MAPKAP1: variants seen among roughly 807,000 people sequenced by gnomAD.
MAPKAP1 encodes MAPK associated protein 1.
Under a neutral mutation model 65.7 loss-of-function variants are expected in MAPKAP1, and 20 were observed. The observed-to-expected ratio is 0.30, with a 90% CI of 0.21 to 0.44. MAPKAP1 has a LOEUF of 0.44. Ranked by LOEUF, MAPKAP1 falls within the 20% of genes least tolerant of loss-of-function variation. The pLI is 1.00. For missense variants in MAPKAP1, 423 were observed against 648.0 expected (o/e 0.65, Z 3.77); for synonymous variants, 222 against 244.3 (o/e 0.91, Z 0.85).
chr9:125,627,763 T>C (rs1227656975), intron 4 of MAPKAP1, among the ~76,000 whole-genome samples: 2 of 152,170 alleles, frequency 1.3e-5, no homozygotes, highest in Non-Finnish European at 2.9e-5. Flanking sequence ...TTTATCCTAC[T>C]TTACGGTAGA....
chr9:125,683,002 AG>A (rs1394034952), intron 1 of MAPKAP1, among the ~76,000 whole-genome samples: 2 of 146,980 alleles, frequency 1.4e-5, no homozygotes, highest in African/African-American at 5.1e-5. Flanking sequence ...CTTGTTGCCC[AG>A]GCTGGAATGC....
chr9:125,564,094 TG>T (rs1396982368), intron 5 of MAPKAP1, among the ~76,000 whole-genome samples: 1 of 152,234 alleles, frequency 6.6e-6, no homozygotes, highest in Non-Finnish European at 1.5e-5. Context: ...CTTTTCACAG[TG>T]ATATCTGTTA....
chr9:125,490,454 G>A (rs1003459860), intron 8 of MAPKAP1, among the ~76,000 whole-genome samples: 6 of 152,180 alleles, frequency 3.9e-5, no homozygotes, highest in Admixed American at 6.5e-5. Flanking sequence ...CAGGAAAATC[G>A]CTTACACCCG....
chr9:125,706,999 G>T lies in MAPKAP1; in HGVS notation c.-98C>A, dbSNP rs374599472. On this transcript the variant is annotated 5_prime_UTR_variant, in exon 1 of 12. Coordinates refer to ENST00000265960, the MANE Select transcript of MAPKAP1 (RefSeq NM_001006617.3). ...AAGCTGCTTCCACACTACGGGCCGG[G>T]TCGGCCCCGGGACACGTTCCTGAGG... 1.0e-5 allele frequency: 4 copies of T among 396,630 alleles called. No individual in the cohort carries two copies. Among genetic ancestry groups the T allele is most frequent in the East Asian group, 3.6e-5 (1 of 28,006 alleles). The allele number at this position is 396,630 out of a possible 1,614,324, so 24.6% of individuals were successfully genotyped here.
chr9:125,596,015 A>G (rs1832114352), intron 4 of MAPKAP1: 8 of 1,501,340 alleles, frequency 5.3e-6, no homozygotes, highest in Non-Finnish European at 7.3e-6. Flanking sequence ...AAGACACTGA[A>G]GAACATCACC....
chr9:125,673,845 AG>A (rs1298451526), intron 1 of MAPKAP1, among the ~76,000 whole-genome samples: 3 of 152,080 alleles, frequency 2.0e-5, no homozygotes, highest in Non-Finnish European at 2.9e-5. Context: ...ATGAGGCTGA[AG>A]TGGGGGGATC....
intron 7 of MAPKAP1, among the ~76,000 whole-genome samples, chr9:125,529,364 T>C (rs568609390): frequency 4.8e-4 from 73 of 152,158 alleles, no homozygotes; most frequent in African/African-American, 1.7e-3. Flanking sequence ...CTACCTGAAA[T>C]GTAGCCAAGA....
rs915986152 is a variant in MAPKAP1, at chr9:125,439,697, G to A, written c.1444-685C>T. Among the ~76,000 whole-genome samples, 8 of 152,230 alleles carry A rather than the reference G, an allele frequency of 5.3e-5. No homozygotes were observed. The highest frequency in any genetic ancestry group is 2.1e-4 in the South Asian group (1 of 4,838). On this transcript the variant is annotated intron_variant, in intron 11 of 11. Transcript: ENST00000265960. This position sits in a 1 kb window ranked among gnomAD's most constrained non-coding sequence, Gnocchi z 4.0. The stretch of plus-strand genomic sequence containing the variant: ...GCCTTCTGCACGCTGCTGCTTCCAC[G>A]AAGCCCTGGGAGTCTGCCCGGAGTC...
At chr9:125,621,250 A>AGCT (rs1832889498) in intron 4 of MAPKAP1, among the ~76,000 whole-genome samples, 1 of 151,932 alleles carries the variant, frequency 6.6e-6, no homozygotes, top group East Asian at 1.9e-4. Flanking sequence ...CCAGCCTGGG[A>AGCT]GCCAAAGCAA....
At chr9:125,688,502 T>G (rs913406394) in intron 1 of MAPKAP1, among the ~76,000 whole-genome samples, 1 of 152,196 alleles carries the variant, frequency 6.6e-6, no homozygotes, top group African/African-American at 2.4e-5. Flanking sequence ...CAGAACTGGC[T>G]TCATTCTGCT....
At chr9:125,622,001 A>G (rs1474670464) in intron 4 of MAPKAP1, among the ~76,000 whole-genome samples, 1 of 152,186 alleles carries the variant, frequency 6.6e-6, no homozygotes, top group African/African-American at 2.4e-5. Context: ...ATGAGTCTGG[A>G]GGACATTATG....
intron 8 of MAPKAP1, among the ~76,000 whole-genome samples, chr9:125,494,959 A>T (rs1239905413): frequency 6.6e-6 from 1 of 152,200 alleles, no homozygotes; most frequent in African/African-American, 2.4e-5. Flanking sequence ...GCATGAACAA[A>T]TATGTGCCCA....
intron 8 of MAPKAP1, chr9:125,505,933 G>T: frequency 8.1e-6 from 2 of 245,546 alleles, no homozygotes; most frequent in South Asian, 1.2e-4. Context: ...TATGCAAATG[G>T]TTAAAATTTT....
rs535758837 is a variant in MAPKAP1, at chr9:125,613,646, T to A, written c.499-27919A>T. 2.0e-5 allele frequency among the ~76,000 whole-genome samples: 3 copies of A among 152,270 alleles called. No individual in the cohort carries two copies. In the East Asian group the frequency reaches 5.8e-4, roughly 29 times the overall value. On this transcript the variant is annotated intron_variant, in intron 4 of 11. Transcript: ENST00000265960. ...AGAAAACACTCCCTAATACATTTCCTGCATGTTAATCTCCATTTCAGAGAC... is the reference window on the plus strand; with the variant it reads ...AGAAAACACTCCCTAATACATTTCCAGCATGTTAATCTCCATTTCAGAGAC...
chr9:125,542,279 A>G (rs1830275147), intron 7 of MAPKAP1, among the ~76,000 whole-genome samples: 1 of 152,222 alleles, frequency 6.6e-6, no homozygotes, highest in African/African-American at 2.4e-5. Context: ...TCCCCTTAAA[A>G]AGAGCACAAA....
intron 1 of MAPKAP1, among the ~76,000 whole-genome samples, chr9:125,701,504 A>C (rs1427335956): frequency 6.6e-6 from 1 of 152,130 alleles, no homozygotes; most frequent in South Asian, 2.1e-4. Context: ...ACTTGCTACT[A>C]AACTGTGATT....
intron 1 of MAPKAP1, among the ~76,000 whole-genome samples, chr9:125,683,140 T>C (rs1252844165): frequency 6.6e-6 from 1 of 151,988 alleles, no homozygotes; most frequent in Non-Finnish European, 1.5e-5. Context: ...GTATTTTTAG[T>C]AGAGATGGAG....
chr9:125,551,058 G>A (rs1368426940), intron 6 of MAPKAP1, among the ~76,000 whole-genome samples: 1 of 152,150 alleles, frequency 6.6e-6, no homozygotes, highest in Non-Finnish European at 1.5e-5. Flanking sequence ...AAACTTTACT[G>A]ATGGGGTGTG....
At chr9:125,500,287 A>G (rs1448722927) in intron 8 of MAPKAP1, among the ~76,000 whole-genome samples, 1 of 151,204 alleles carries the variant, frequency 6.6e-6, no homozygotes, top group Non-Finnish European at 1.5e-5. Flanking sequence ...TCCCGGGTTC[A>G]CGCCATTCTC....
Sources: allele counts gnomAD v4.1 joint callset (sites outside exome capture counted in the v4.1 genomes callset), GRCh38; gene constraint gnomAD v4.1.1; non-coding constraint Gnocchi (gnomAD v3.1); transcripts MANE v1.5; gene names NCBI Gene and HGNC (gene_info 2026-07-23, HGNC 2026-07-21).